PFKFB1: variants seen among roughly 807,000 people sequenced by gnomAD.
The protein encoded by PFKFB1 is 6-phosphofructo-2-kinase/fructose-2,6-bisphosphatase 1.
PFKFB1 carries 34 observed loss-of-function variants against 46.4 expected under a neutral mutation model. That is an observed-to-expected ratio of 0.73 (90% confidence interval 0.56 to 0.98). PFKFB1 has a LOEUF of 0.98. Ranked by LOEUF, PFKFB1 falls within the 50% of genes least tolerant of loss-of-function variation. The pLI is 0.00. For missense variants in PFKFB1, 393 were observed against 376.3 expected, an observed-to-expected ratio of 1.04 and a Z score of -0.37; for synonymous variants, 119 against 133.8, an observed-to-expected ratio of 0.89 and a Z score of 0.76.
intron 10 of PFKFB1, among the ~76,000 whole-genome samples, chrX:54,938,367 C>A (rs1012851005): frequency 8.9e-6 from 1 of 111,994 alleles, no homozygotes. Flanking sequence ...AAGTGAAAAT[C>A]CTCCTGTATC....
At chrX:54,981,785 T>G (rs1018848651) in intron 1 of PFKFB1, among the ~76,000 whole-genome samples, 4 of 111,722 alleles carry the variant, frequency 3.6e-5, no homozygotes, top group Non-Finnish European at 5.7e-5. Flanking sequence ...GGAGTTCTTA[T>G]TCTCATCTTT....
Position 54,952,049 on chromosome X carries a change from A to G in PFKFB1, c.702T>C (p.Asp234=). The change falls in exon 8 of 14, where the codon GAT becomes GAC. Residue 234 remains aspartate, a synonymous_variant. Coordinates refer to ENST00000375006, the MANE Select transcript of PFKFB1 (RefSeq NM_002625.4). ...GTRYMVNRVQ[D]HIQSRTVYYL... ...AGTAGACTGTGCGGCTCTGGATGTG[A>G]TCCTGCACTCGGTTCACCATGTAGC... The G allele has an allele frequency of 2.5e-6, 3 of 1,211,415 alleles. No homozygotes were observed. The highest frequency in any genetic ancestry group is 3.4e-6 in the Non-Finnish European group (3 of 895,183).
At chrX:54,954,005 T>G (rs746154708) in intron 7 of PFKFB1, among the ~76,000 whole-genome samples, 6 of 112,256 alleles carry the variant, frequency 5.3e-5, no homozygotes, top group Admixed American at 2.8e-4. Context: ...TGAAGTCATT[T>G]AGAGGTGTTC....
In PFKFB1 at chrX:54,994,128, G is replaced by A. The variant is rs374087584; in HGVS notation, c.-121C>T. The stretch of plus-strand genomic sequence containing the variant: ...GCAGGTGGACAGGGCTGGGACAGGG[G>A]GTGTACTGGGTTTCTGAGCCCTCTC... On this transcript the variant is annotated 5_prime_UTR_variant, in exon 1 of 14. Transcript: ENST00000375006. 175 of 1,102,843 alleles carry A rather than the reference G, an allele frequency of 1.6e-4. 3 individuals carry two copies. In the South Asian group the frequency reaches 3.7e-3, roughly 23 times the overall value. The allele number at this position is 1,102,843 out of a possible 1,213,427, so 90.9% of individuals were successfully genotyped here. A position where few individuals can be genotyped will look rare whatever the true frequency, so the allele number is the denominator to read the frequency against.
At chrX:54,939,291 G>C (rs1181365377) in intron 10 of PFKFB1, among the ~76,000 whole-genome samples, 1 of 111,582 alleles carries the variant, frequency 9.0e-6, no homozygotes, top group African/African-American at 3.3e-5. Context: ...ACAGAAAGCA[G>C]GAAAGATCTA....
At chrX:54,962,629 G>A (rs182439102) in intron 2 of PFKFB1, among the ~76,000 whole-genome samples, 20 of 112,083 alleles carry the variant, frequency 1.8e-4, no homozygotes, top group South Asian at 7.5e-4. Context: ...GAGGGGGAGA[G>A]ATAGAGTGAA....
chrX:54,978,895 A>G (rs769614269), intron 1 of PFKFB1, among the ~76,000 whole-genome samples: 11 of 112,062 alleles, frequency 9.8e-5, no homozygotes, highest in African/African-American at 3.2e-4. Flanking sequence ...AAAAACAAGG[A>G]AAGACTGAAA....
intron 1 of PFKFB1, among the ~76,000 whole-genome samples, chrX:54,973,176 C>T (rs764991867): frequency 6.3e-5 from 7 of 111,344 alleles, no homozygotes; most frequent in East Asian, 2.8e-4. Flanking sequence ...TCTGTGGGAT[C>T]GGTGGTGATA....
chrX:54,949,250 G>T (rs1337661807), intron 8 of PFKFB1, 29 bp from the exon 9 acceptor site: 1 of 1,155,666 alleles, frequency 8.7e-7, no homozygotes. Context: ...GAGGAGGAGA[G>T]AAGGGGAAAA....
chrX:54,980,318 T>TACACAC (rs35051444), intron 1 of PFKFB1, among the ~76,000 whole-genome samples: 2 of 106,246 alleles, frequency 1.9e-5, no homozygotes, highest in African/African-American at 6.8e-5. Flanking sequence ...TGATTTAACA[T>TACACAC]ACACACACAC....
chrX:54,974,884 C>A (rs1897377066), intron 1 of PFKFB1, among the ~76,000 whole-genome samples: 1 of 111,015 alleles, frequency 9.0e-6, no homozygotes, highest in Admixed American at 9.6e-5. Context: ...CAGGGAAATG[C>A]AAATTAAAAC....
chrX:54,947,272 G>A (rs1933836024), intron 9 of PFKFB1, among the ~76,000 whole-genome samples: 1 of 111,713 alleles, frequency 9.0e-6, no homozygotes, highest in African/African-American at 3.3e-5. Flanking sequence ...TTACCTATCA[G>A]AGCCTGTATC....
At chrX:54,998,542 G>C, upstream of PFKFB1, 1 of 611,722 alleles carries the variant, frequency 1.6e-6, no homozygotes. Flanking sequence ...CCCTGAGAAG[G>C]CTGAGGACGT....
intron 10 of PFKFB1, among the ~76,000 whole-genome samples, chrX:54,943,120 A>C (rs924857733): frequency 8.9e-6 from 1 of 112,043 alleles, no homozygotes; most frequent in Non-Finnish European, 1.9e-5. Context: ...GAAGAATCCC[A>C]GTCCTCAGAT....
At chrX:54,938,056 C>G (rs1933466576) in intron 10 of PFKFB1, among the ~76,000 whole-genome samples, 1 of 111,401 alleles carries the variant, frequency 9.0e-6, no homozygotes, top group Non-Finnish European at 1.9e-5. Flanking sequence ...AATATAGGGC[C>G]CCAAAATAGA....
chrX:54,988,492 T>C (rs1031182498), intron 1 of PFKFB1, among the ~76,000 whole-genome samples: 8 of 111,891 alleles, frequency 7.1e-5, no homozygotes, highest in African/African-American at 2.6e-4. Flanking sequence ...AAAATTTATA[T>C]GGAAATGCAA....
chrX:54,971,188 GT>G (rs1227383967), intron 1 of PFKFB1, among the ~76,000 whole-genome samples: 1 of 56,421 alleles, frequency 1.8e-5, no homozygotes, highest in Non-Finnish European at 3.2e-5. Context: ...GGGGTTGTTT[GT>G]TTTTTTCTTG....
chrX:54,978,366 A>G (rs1934890350), intron 1 of PFKFB1, among the ~76,000 whole-genome samples: 1 of 111,542 alleles, frequency 9.0e-6, no homozygotes, highest in Non-Finnish European at 1.9e-5. Context: ...CAAATAATAA[A>G]TGTAGAATAA....
intron 9 of PFKFB1, among the ~76,000 whole-genome samples, chrX:54,948,136 T>G (rs1288704992): frequency 1.8e-5 from 2 of 111,023 alleles, no homozygotes; most frequent in Non-Finnish European, 3.8e-5. Flanking sequence ...TTGCTCAGGC[T>G]GGTCTCCAAC....
Sources: allele counts gnomAD v4.1 joint callset (sites outside exome capture counted in the v4.1 genomes callset), GRCh38; gene constraint gnomAD v4.1.1; transcripts MANE v1.5; gene names NCBI Gene and HGNC (gene_info 2026-07-23, HGNC 2026-07-21).